WDR19: variants seen among roughly 807,000 people sequenced by gnomAD.
WDR19 encodes the protein WD repeat domain 19, also known as WD repeat-containing protein 19.
In WDR19, 121 loss-of-function variants were observed where a neutral mutation model predicts 180.0. That is an observed-to-expected ratio of 0.67 (90% CI 0.58 to 0.78). The LOEUF (loss-of-function observed/expected upper bound fraction) is 0.78, where lower values mean the gene tolerates loss of function less well. WDR19 is among the 30% of genes least tolerant of loss of function. The probability of loss-of-function intolerance (pLI) is 0.00; values close to 1 mark genes in which losing one functional copy is unlikely to be tolerated. For missense variants in WDR19, 1,450 were observed against 1,640.7 expected (o/e 0.88, Z 2.01); for synonymous variants, 497 against 540.7 (o/e 0.92, Z 1.12).
intron 19 of WDR19, 61 bp downstream of exon 19, chr4:39,232,333 A>T: frequency 1.4e-6 from 2 of 1,399,530 alleles, no homozygotes; most frequent in Non-Finnish European, 2.0e-6. Context: ...AATGGGGGAA[A>T]AAAAAATGGG....
At chr4:39,276,274 A>G (rs1006595336) in intron 33 of WDR19, among the ~76,000 whole-genome samples, 6 of 152,162 alleles carry the variant, frequency 3.9e-5, no homozygotes, top group African/African-American at 1.4e-4. Context: ...TTTAAGTCTA[A>G]GTAGCTTCAG....
At chr4:39,232,329 G>GA in intron 19 of WDR19, 57 bp downstream of exon 19, 3 of 1,439,542 alleles carry the variant, frequency 2.1e-6, no homozygotes, top group Non-Finnish European at 9.5e-7. Context: ...GGGAAATGGG[G>GA]GAAAAAAAAA....
At chr4:39,215,710 A>C in intron 10 of WDR19, 131 bp from the exon 11 acceptor site, 1 of 972,334 alleles carries the variant, frequency 1.0e-6, no homozygotes, top group Non-Finnish European at 1.4e-6. Context: ...TCTAAAAAAA[A>C]AACTACTTAA....
At chr4:39,192,464 TTTTGTTTG>T (rs958253963) in intron 4 of WDR19, among the ~76,000 whole-genome samples, 13 of 151,800 alleles carry the variant, frequency 8.6e-5, no homozygotes, top group African/African-American at 2.9e-4. Flanking sequence ...CACAGTTGTT[TTTTGTTTG>T]TTTGTTTGTT....
intron 17 of WDR19, among the ~76,000 whole-genome samples, chr4:39,230,461 C>A (rs545644254): frequency 2.8e-4 from 18 of 64,964 alleles, no homozygotes; most frequent in African/African-American, 1.5e-3. Context: ...ACACCACTTA[C>A]CTCTGTGTGC....
At chr4:39,257,004 C>G (rs532448894) in intron 27 of WDR19, among the ~76,000 whole-genome samples, 38 of 152,232 alleles carry the variant, frequency 2.5e-4, no homozygotes, top group African/African-American at 7.2e-4. Context: ...TGTGGTGTTA[C>G]GGTGTTCAGG....
chr4:39,255,803 A>G (rs1373199799), intron 26 of WDR19, 45 bp from the exon 27 acceptor site: 2 of 1,164,996 alleles, frequency 1.7e-6, no homozygotes, highest in Non-Finnish European at 2.4e-6. Context: ...ATAAAAGGTA[A>G]ACAAATTTTG....
At chr4:39,244,443 T>C in intron 22 of WDR19, 27 bp from the exon 23 acceptor site, 1 of 1,613,896 alleles carries the variant, frequency 6.2e-7, no homozygotes. Flanking sequence ...AATAACTTAG[T>C]ATTTTAATAA....
chr4:39,192,735 T>C (rs1726296361), intron 4 of WDR19, among the ~76,000 whole-genome samples: 3 of 152,180 alleles, frequency 2.0e-5, no homozygotes. Context: ...GTGCTAGGAT[T>C]ATAGGCGTGA....
chr4:39,269,882 A>G, intron 30 of WDR19, 94 bp from the exon 31 acceptor site: 1 of 1,483,480 alleles, frequency 6.7e-7, no homozygotes. Flanking sequence ...TACTAATAAC[A>G]AGATTAACAA....
rs550903423 is a variant in WDR19, at chr4:39,247,762, A to G, written c.2729+2310A>G. Among the ~76,000 whole-genome samples, 15 of 152,342 alleles carry G rather than the reference A, an allele frequency of 9.8e-5. No homozygotes were observed. The East Asian group carries it at 2.9e-3, about 29-fold the overall frequency. ...TGGAAGAAAGGGTATCAGCGATGGA[A>G]GACGAAATGAATGAAATGAAGTGTG... On this transcript the variant is annotated intron_variant, in intron 24 of 36. Transcript: ENST00000399820.
At chr4:39,261,493 A>G (rs1391417976) in intron 28 of WDR19, among the ~76,000 whole-genome samples, 3 of 152,350 alleles carry the variant, frequency 2.0e-5, no homozygotes, top group Middle Eastern at 3.4e-3. Context: ...CCTTTAATTA[A>G]TAAGTCCAGA....
intron 14 of WDR19, among the ~76,000 whole-genome samples, chr4:39,223,295 A>G (rs1448231032): frequency 6.6e-6 from 1 of 152,154 alleles, no homozygotes; most frequent in Non-Finnish European, 1.5e-5. Context: ...ATTAAAAATA[A>G]GAATAAAAGT....
chr4:39,285,322 C>T (rs1231791264), intron 36 of WDR19, among the ~76,000 whole-genome samples, 165 bp from the exon 37 acceptor site: 1 of 152,202 alleles, frequency 6.6e-6, no homozygotes, highest in East Asian at 1.9e-4. Flanking sequence ...AATACTGAAA[C>T]TTGATGCGGA....
intron 9 of WDR19, among the ~76,000 whole-genome samples, chr4:39,211,172 A>G (rs1728462908): frequency 6.6e-6 from 1 of 151,688 alleles, no homozygotes; most frequent in Admixed American, 6.6e-5. Flanking sequence ...GCCTGGGCAA[A>G]AGAGTGAAAC....
chr4:39,234,931 A>G, intron 20 of WDR19, 56 bp downstream of exon 20: 1 of 1,083,682 alleles, frequency 9.2e-7, no homozygotes, highest in Non-Finnish European at 1.4e-6. Flanking sequence ...AAATATCTTC[A>G]GTTCGAAACT....
At chr4:39,184,410 TA>T (rs200343461) in intron 1 of WDR19, among the ~76,000 whole-genome samples, 5 of 150,346 alleles carry the variant, frequency 3.3e-5, no homozygotes, top group South Asian at 4.3e-4. Context: ...AGACGCTGTC[TA>T]AAAAAAAATA....
intron 24 of WDR19, among the ~76,000 whole-genome samples, 171 bp from the exon 25 acceptor site, chr4:39,252,975 A>G (rs1464783174): frequency 6.6e-6 from 1 of 152,244 alleles, no homozygotes; most frequent in African/African-American, 2.4e-5. Flanking sequence ...ATTCCTAAAC[A>G]GAACATTTTA....
At chr4:39,187,512 A>G (rs1725698572) in intron 3 of WDR19, among the ~76,000 whole-genome samples, 1 of 150,462 alleles carries the variant, frequency 6.6e-6, no homozygotes, top group Middle Eastern at 3.6e-3. Context: ...TCTGTAGTTT[A>G]TTGACCATTT....
Sources: gnomAD v4.1 joint callset for allele counts (sites outside exome capture counted in the v4.1 genomes callset) on GRCh38, gnomAD v4.1.1 for gene constraint, MANE v1.5 for transcripts, NCBI Gene and HGNC (gene_info 2026-07-23, HGNC 2026-07-21) for gene names.